The following MSR1 variants were observed in gnomAD, a reference collection of about 807,000 sequenced individuals.
MSR1 encodes macrophage scavenger receptor types I and II.
Under a neutral mutation model 47.2 loss-of-function variants are expected in MSR1, and 53 were observed. The observed-to-expected ratio is 1.12, with a 90% confidence interval of 0.90 to 1.41. The LOEUF (loss-of-function observed/expected upper bound fraction) is 1.41. MSR1 is among the 40% of genes most tolerant of loss of function. MSR1 has a pLI of 0.00. For synonymous variants in MSR1, 239 were observed against 185.6 expected, an observed-to-expected ratio of 1.29 and a Z score of -2.34; for missense variants, 786 against 546.9, an observed-to-expected ratio of 1.44 and a Z score of -4.36.
rs1178523956 is a variant in MSR1, at chr8:16,110,075, A to G, written c.*10T>C. On this transcript the variant is annotated 3_prime_UTR_variant, in exon 10 of 10. Coordinates refer to ENST00000262101, the MANE Select transcript of MSR1 (RefSeq NM_138715.3). Reference sequence around the variant, plus strand: ...AGCGATTTCATAGTTGTGAATGAAAATATGATGCATTATAAAGTGCAAGTG... The same window carrying G: ...AGCGATTTCATAGTTGTGAATGAAAGTATGATGCATTATAAAGTGCAAGTG... The G allele has an allele frequency of 2.5e-6, 4 of 1,613,384 alleles. No homozygotes were observed. The highest frequency in any genetic ancestry group is 2.5e-6 in the Non-Finnish European group (3 of 1,179,542).
intron 1 of MSR1, among the ~76,000 whole-genome samples, chr8:16,182,145 T>G (rs919920728): frequency 6.6e-6 from 1 of 152,196 alleles, no homozygotes; most frequent in Non-Finnish European, 1.5e-5. Flanking sequence ...CTGAATCCTG[T>G]AGGCAGTTGG....
intron 8 of MSR1, chr8:16,140,968 G>A (rs937084028): frequency 2.2e-5 from 36 of 1,613,846 alleles, no homozygotes; most frequent in Middle Eastern, 1.6e-4. Context: ...TAATGAGATG[G>A]TAGCAGAGGA....
Position 16,140,049 on chromosome 8 carries a change from G to A in MSR1, c.1033+3509C>T, listed in dbSNP as rs1234899170. The stretch of plus-strand genomic sequence containing the variant: ...ACAATTATCTCTTATTAGCTGTTAT[G>A]TCCAGCTCATGGAGGTACATAATGG... On this transcript the variant is annotated intron_variant, in intron 8 of 9. Coordinates refer to ENST00000262101, the MANE Select transcript of MSR1 (RefSeq NM_138715.3). 11 of 857,460 alleles carry A rather than the reference G, an allele frequency of 1.3e-5. 2 individuals carry two copies. The highest frequency in any genetic ancestry group is 1.3e-5 in the Non-Finnish European group (9 of 715,510). The allele number at this position is 857,460 out of a possible 1,614,324, so 53.1% of individuals were successfully genotyped here. A position where few individuals can be genotyped will look rare whatever the true frequency, so the allele number is the denominator to read the frequency against.
At chr8:16,140,692 G>C in intron 8 of MSR1, 2 of 1,327,266 alleles carry the variant, frequency 1.5e-6, no homozygotes, top group Non-Finnish European at 1.9e-6. Context: ...GGGTGGCAGA[G>C]AACTGAGGAC....
chr8:16,159,840 G>C (rs897163904), intron 5 of MSR1, among the ~76,000 whole-genome samples: 4 of 151,892 alleles, frequency 2.6e-5, no homozygotes, highest in Non-Finnish European at 4.4e-5. Flanking sequence ...ACCAGCAAAG[G>C]CTTCATGCAA....
chr8:16,176,609 C>T (rs1801656264), intron 2 of MSR1, among the ~76,000 whole-genome samples: 1 of 151,986 alleles, frequency 6.6e-6, no homozygotes, highest in Non-Finnish European at 1.5e-5. Context: ...GAGATATAGT[C>T]CACCTGCCAG....
At chr8:16,175,620 A>G (rs2117203248) in intron 2 of MSR1, among the ~76,000 whole-genome samples, 1 of 152,224 alleles carries the variant, frequency 6.6e-6, no homozygotes, top group East Asian at 1.9e-4. Flanking sequence ...ATACAAACAT[A>G]AATTTTATTC....
chr8:16,125,018 A>T (rs79320912), intron 8 of MSR1, among the ~76,000 whole-genome samples: 1 of 152,010 alleles, frequency 6.6e-6, no homozygotes, highest in Admixed American at 6.6e-5. Flanking sequence ...TAACTGGCAT[A>T]AACATAAGTG....
At chr8:16,176,694 A>G (rs351563) in intron 2 of MSR1, among the ~76,000 whole-genome samples, 1,867 of 152,268 alleles carry the variant, frequency 0.012, 41 homozygotes, top group African/African-American at 0.042. Flanking sequence ...TCTACCTTTT[A>G]AATAGCTCTC....
intron 8 of MSR1, chr8:16,121,049 A>G (rs918063529): frequency 2.8e-6 from 1 of 354,398 alleles, no homozygotes; most frequent in Non-Finnish European, 5.5e-6. Context: ...AGGAGCAGAT[A>G]TTTTAGAATA....
intron 5 of MSR1, among the ~76,000 whole-genome samples, chr8:16,157,120 G>T (rs528020487): frequency 3.9e-4 from 60 of 152,060 alleles, no homozygotes; most frequent in South Asian, 1.5e-3. Context: ...AGTAACTCAG[G>T]ATCCAAAGCA....
In MSR1 at chr8:16,150,453, A is replaced by G. The variant is rs376021857; in HGVS notation, c.899-142T>C. Reference sequence around the variant, plus strand: ...AGGAATAATATCTTTCCTAAAATTTAATGTTTGACATTGAAAAACAATAGA... The same window carrying G: ...AGGAATAATATCTTTCCTAAAATTTGATGTTTGACATTGAAAAACAATAGA... On this transcript the variant is annotated intron_variant, in intron 6 of 9. Transcript: ENST00000262101. The G allele has an allele frequency of 2.4e-4, 87 of 355,378 alleles. 1 individual carries two copies. In the East Asian group the frequency reaches 4.3e-3, roughly 18 times the overall value. The allele number at this position is 355,378 out of a possible 1,614,324, so 22.0% of individuals were successfully genotyped here.
At chr8:16,119,869 GC>G (rs1404268171) in intron 9 of MSR1, among the ~76,000 whole-genome samples, 4 of 88,890 alleles carry the variant, frequency 4.5e-5, no homozygotes, top group Non-Finnish European at 8.1e-5. Flanking sequence ...ATCACGCCTG[GC>G]TTTTTTTTTT....
chr8:16,175,233 G>A lies in MSR1; in HGVS notation c.171C>T (p.Tyr57=), dbSNP rs35874867. Residue 57 remains tyrosine, a synonymous_variant, in exon 3 of 10, where the codon TAC becomes TAT. Transcript: ENST00000262101. ...KSFKAALIAL[Y]LLVFAVLIPL... is the part of the protein sequence containing the mutation. ...GGATGAGAACTGCAAACACGAGGAGGTAAAGGGCAATCAGTGCAGCTTTGA... is the reference window on the plus strand; with the variant it reads ...GGATGAGAACTGCAAACACGAGGAGATAAAGGGCAATCAGTGCAGCTTTGA... 498 of 1,614,090 alleles carry A rather than the reference G, an allele frequency of 3.1e-4. 4 individuals are homozygous for A. In the African/African-American group the frequency reaches 5.1e-3, roughly 17 times the overall value.
intron 1 of MSR1, among the ~76,000 whole-genome samples, chr8:16,179,299 A>G (rs902777427): frequency 1.3e-5 from 2 of 152,218 alleles, no homozygotes; most frequent in Non-Finnish European, 2.9e-5. Flanking sequence ...ATTTGCCTCT[A>G]TCTGACAAAA....
intron 8 of MSR1, among the ~76,000 whole-genome samples, chr8:16,142,403 T>C (rs532044015): frequency 7.2e-5 from 11 of 152,092 alleles, no homozygotes; most frequent in African/African-American, 2.4e-4. Context: ...AAAGAACGAA[T>C]GGATAGAATG....
chr8:16,175,449 C>A (rs759998490), intron 2 of MSR1, 149 bp from the exon 3 acceptor site: 3 of 724,428 alleles, frequency 4.1e-6, no homozygotes, highest in Admixed American at 2.5e-5. Flanking sequence ...CAGTAGAAAG[C>A]AAAAGGACAG....
intron 5 of MSR1, 83 bp downstream of exon 5, chr8:16,163,982 G>A: frequency 9.2e-7 from 1 of 1,086,532 alleles, no homozygotes. Context: ...TCAAACCATA[G>A]GATTTCAAAT....
chr8:16,147,860 G>T (rs1233819634), intron 7 of MSR1, among the ~76,000 whole-genome samples: 2 of 152,078 alleles, frequency 1.3e-5, no homozygotes, highest in African/African-American at 4.8e-5. Context: ...TTTCTGCACT[G>T]TTTTTTTCCA....
Sources: gnomAD v4.1 joint callset for allele counts (sites outside exome capture counted in the v4.1 genomes callset) on GRCh38, gnomAD v4.1.1 for gene constraint, MANE v1.5 for transcripts, NCBI Gene and HGNC (gene_info 2026-07-23, HGNC 2026-07-21) for gene names.